The following ROBO1 variants were observed in gnomAD, a reference collection of about 807,000 sequenced individuals.
The protein encoded by ROBO1 is roundabout homolog 1.
A neutral mutation model predicts 195.9 loss-of-function variants in ROBO1; 149 were observed. The observed-to-expected ratio is 0.76, with a 90% CI of 0.67 to 0.87. The LOEUF (loss-of-function observed/expected upper bound fraction) is 0.87, where lower values mean the gene tolerates loss of function less well. Among genes scored for constraint, ROBO1 ranks in the 40% least tolerant of loss-of-function variants. ROBO1 has a pLI of 0.00. For missense variants in ROBO1, 1,933 were observed against 2,068.3 expected, an observed-to-expected ratio of 0.93 and a Z score of 1.27; for synonymous variants, 816 against 733.2, an observed-to-expected ratio of 1.11 and a Z score of -1.82.
intron 4 of ROBO1, among the ~76,000 whole-genome samples, chr3:78,769,597 T>G (rs2083314723): frequency 6.6e-6 from 1 of 151,012 alleles, no homozygotes; most frequent in Non-Finnish European, 1.5e-5. Context: ...TCATTGTGCT[T>G]TTTGTTGCCA....
At chr3:79,304,180 T>C (rs1178452081) in intron 2 of ROBO1, among the ~76,000 whole-genome samples, 1 of 152,120 alleles carries the variant, frequency 6.6e-6, no homozygotes. Context: ...AGTAAACCTG[T>C]TTTGGTGTAA....
chr3:78,880,184 C>T (rs2036099193), intron 4 of ROBO1, among the ~76,000 whole-genome samples: 2 of 152,012 alleles, frequency 1.3e-5, no homozygotes, highest in Admixed American at 1.3e-4. Context: ...ATAAAATTAG[C>T]ATGCTAAAAC....
intron 2 of ROBO1, among the ~76,000 whole-genome samples, chr3:79,539,911 G>C (rs957010910): frequency 7.0e-6 from 1 of 141,896 alleles, no homozygotes; most frequent in African/African-American, 2.8e-5. Context: ...GAATTCTGCA[G>C]TGATCCAAAG....
intron 3 of ROBO1, among the ~76,000 whole-genome samples, chr3:78,968,679 T>C (rs992158621): frequency 2.0e-5 from 3 of 152,190 alleles, no homozygotes; most frequent in Non-Finnish European, 2.9e-5. Context: ...GTCTTCTTTC[T>C]TTCTTTTTTA....
rs1381967123 is a variant in ROBO1, at chr3:79,439,623, A to T, written c.88+150201T>A. ...AACTGAAGAAGCAACAAGATAAATA[A>T]ATTTAATAGTTAAATATAAACATGA... On this transcript the variant is annotated intron_variant, in intron 2 of 30. Transcript: ENST00000464233. Among the ~76,000 whole-genome samples, 4 of 152,104 alleles carry T rather than the reference A, an allele frequency of 2.6e-5. No homozygotes were observed. The East Asian group carries it at 7.7e-4, about 29-fold the overall frequency.
At chr3:79,401,586 AG>A (rs1200216169) in intron 2 of ROBO1, among the ~76,000 whole-genome samples, 2 of 151,856 alleles carry the variant, frequency 1.3e-5, no homozygotes. Flanking sequence ...AGTTTTTGAA[AG>A]AGTTTAAGTG....
intron 2 of ROBO1, among the ~76,000 whole-genome samples, chr3:79,165,572 A>G (rs1236467496): frequency 4.6e-5 from 7 of 152,214 alleles, no homozygotes; most frequent in Non-Finnish European, 8.8e-5. Flanking sequence ...ATGGGGAGCA[A>G]TGGGTTCCCT....
chr3:79,002,377 A>G (rs1376313095), intron 3 of ROBO1, among the ~76,000 whole-genome samples: 1 of 152,146 alleles, frequency 6.6e-6, no homozygotes, highest in Non-Finnish European at 1.5e-5. Flanking sequence ...ATAGTCCAAT[A>G]TTTTGCTGCT....
At chr3:79,454,894 G>C (rs2039566495) in intron 2 of ROBO1, among the ~76,000 whole-genome samples, 1 of 152,116 alleles carries the variant, frequency 6.6e-6, no homozygotes. Context: ...TGGAAGATCA[G>C]TATAGCCCTT....
At chr3:79,602,504 C>T (rs1944367381) in intron 1 of ROBO1, among the ~76,000 whole-genome samples, 1 of 151,962 alleles carries the variant, frequency 6.6e-6, no homozygotes, top group Admixed American at 6.6e-5. Flanking sequence ...TGTCAGATAA[C>T]TGTCTCTTGC....
In ROBO1 at chr3:79,767,974, C is replaced by T. The variant is rs1019035631; in HGVS notation, c.-273G>A. Among the ~76,000 whole-genome samples, 1 of 152,132 alleles carries T rather than the reference C, an allele frequency of 6.6e-6. No homozygotes were observed. Among genetic ancestry groups the T allele is most frequent in the Non-Finnish European group, 1.5e-5 (1 of 68,020 alleles). On this transcript the variant is annotated 5_prime_UTR_variant, in exon 1 of 31. Coordinates refer to ENST00000464233, the MANE Select transcript of ROBO1 (RefSeq NM_002941.4). Reference sequence around the variant, plus strand: ...TCTTCAGTAGAGAATTCTTTCAAACCCGTTATCTGTATTACTATTAATGCG... The same window carrying T: ...TCTTCAGTAGAGAATTCTTTCAAACTCGTTATCTGTATTACTATTAATGCG...
chr3:79,037,859 C>T (rs1037816866), intron 3 of ROBO1, among the ~76,000 whole-genome samples: 26 of 152,168 alleles, frequency 1.7e-4, no homozygotes, highest in African/African-American at 6.0e-4. Context: ...AAATGTGTTC[C>T]TCACGATAGT....
At chr3:79,695,117 G>A (rs1947405116) in intron 1 of ROBO1, among the ~76,000 whole-genome samples, 1 of 151,560 alleles carries the variant, frequency 6.6e-6, no homozygotes, top group Admixed American at 6.6e-5. Context: ...CTTTACACCA[G>A]CTATGTGTTA....
intron 2 of ROBO1, among the ~76,000 whole-genome samples, chr3:79,259,485 A>T (rs1358031023): frequency 2.0e-5 from 3 of 152,054 alleles, no homozygotes; most frequent in Non-Finnish European, 2.9e-5. Flanking sequence ...TTAAGTTATT[A>T]TTGGCTATAG....
rs1902278 is a variant in ROBO1, at chr3:79,185,598, T to A, written c.89-60059A>T. Among the ~76,000 whole-genome samples, 960 of 152,264 alleles carry A rather than the reference T, an allele frequency of 6.3e-3. 14 individuals are homozygous for A. The highest frequency in any genetic ancestry group is 0.021 in the African/African-American group (886 of 41,574). On this transcript the variant is annotated intron_variant, in intron 2 of 30. Coordinates refer to ENST00000464233, the MANE Select transcript of ROBO1 (RefSeq NM_002941.4). ...AGATTAGAAATAGTCACATTTCTAA[T>A]CTGTCTCCAGGGTACTTGTTTAAAT...
chr3:79,499,273 C>G (rs1000467539), intron 2 of ROBO1, among the ~76,000 whole-genome samples: 3 of 152,160 alleles, frequency 2.0e-5, no homozygotes, highest in African/African-American at 7.2e-5. Flanking sequence ...GGTATTACAG[C>G]CTTGAGCCAC....
chr3:79,050,048 T>G (rs986083589), intron 3 of ROBO1, among the ~76,000 whole-genome samples: 6 of 152,052 alleles, frequency 3.9e-5, no homozygotes, highest in Non-Finnish European at 8.8e-5. Flanking sequence ...ATAACAATAT[T>G]AACCTTAAAT....
chr3:79,529,040 C>A (rs1017545298), intron 2 of ROBO1, among the ~76,000 whole-genome samples: 7 of 152,188 alleles, frequency 4.6e-5, no homozygotes, highest in Admixed American at 1.3e-4. Flanking sequence ...TTTTGCAATA[C>A]TTTTTGTTAG....
At chr3:78,627,105 T>C (rs1257343158) in intron 26 of ROBO1, among the ~76,000 whole-genome samples, 1 of 152,178 alleles carries the variant, frequency 6.6e-6, no homozygotes. Context: ...TTAATACACA[T>C]TATTTTACGG....
Sources: allele counts gnomAD v4.1 joint callset (sites outside exome capture counted in the v4.1 genomes callset), GRCh38; gene constraint gnomAD v4.1.1; transcripts MANE v1.5; gene names NCBI Gene and HGNC (gene_info 2026-07-23, HGNC 2026-07-21).